The following TAMM41 variants were observed in gnomAD, a reference collection of about 807,000 sequenced individuals.
TAMM41 encodes the protein phosphatidate cytidylyltransferase, mitochondrial.
TAMM41 carries 36 observed loss-of-function variants against 44.1 expected under a neutral mutation model. The ratio of observed to expected loss-of-function variants is 0.82; its 90% CI spans 0.63 to 1.08. The LOEUF is 1.08. TAMM41 is among the 50% of genes least tolerant of loss of function. The pLI is 0.00. For missense variants in TAMM41, 417 were observed against 404.3 expected (o/e 1.03, Z -0.27); for synonymous variants, 164 against 153.1 (o/e 1.07, Z -0.53).
chr3:11,829,855 T>C lies in TAMM41; in HGVS notation c.421A>G (p.Ile141Val), dbSNP rs2125031003. ...AGAGTGACATCCTCGTTCACTGAGA[T>C]AATTTTCACCTGAAAGAAGCAGAAC... ...AGRLQKPVKIISVNEDVTLRS... is the reference protein window; with the variant it reads ...AGRLQKPVKIVSVNEDVTLRS... Residue 141 changes from isoleucine to valine, a missense_variant, in exon 4 of 8, where the codon ATC becomes GTC. Transcript: ENST00000455809. 2 of 1,614,144 alleles carry C rather than the reference T, an allele frequency of 1.2e-6. No homozygotes were observed. The highest frequency in any genetic ancestry group is 2.2e-5 in the East Asian group (1 of 44,888).
intron 4 of TAMM41, chr3:11,826,689 A>G (rs2078765639): frequency 1.8e-5 from 2 of 110,498 alleles, no homozygotes; most frequent in African/African-American, 7.2e-5. Context: ...TGAAAAACAA[A>G]TAAAACAAAA....
intron 4 of TAMM41, among the ~76,000 whole-genome samples, chr3:11,820,869 G>A (rs1010411371): frequency 6.6e-6 from 1 of 152,150 alleles, no homozygotes; most frequent in Non-Finnish European, 1.5e-5. Context: ...TCCAAGGCCT[G>A]CAAGCCACCT....
the TAMM41 span, among the ~76,000 whole-genome samples, chr3:11,759,517 G>T: frequency 6.6e-6 from 1 of 151,978 alleles, no homozygotes; most frequent in Non-Finnish European, 1.5e-5. Context: ...TGTAACACTG[G>T]AATAAAGACA....
At chr3:11,768,738 G>A in the TAMM41 span, among the ~76,000 whole-genome samples, 3 of 152,156 alleles carry the variant, frequency 2.0e-5, no homozygotes, top group Admixed American at 6.5e-5. Flanking sequence ...GGGCAGAAAA[G>A]GCAATGAGAC....
intron 5 of TAMM41, among the ~76,000 whole-genome samples, chr3:11,814,961 C>A: frequency 6.6e-6 from 1 of 151,048 alleles, no homozygotes; most frequent in African/African-American, 2.4e-5. Context: ...AAGGCCCTGT[C>A]AAAAAAGAGA....
the TAMM41 span, among the ~76,000 whole-genome samples, chr3:11,759,176 ATT>A: frequency 6.6e-6 from 1 of 152,144 alleles, no homozygotes; most frequent in Non-Finnish European, 1.5e-5. Flanking sequence ...CATCTTTGTC[ATT>A]AAAAAAAAAT....
chr3:11,722,133 A>T, the TAMM41 span, among the ~76,000 whole-genome samples: 1 of 152,234 alleles, frequency 6.6e-6, no homozygotes, highest in Non-Finnish European at 1.5e-5. Flanking sequence ...CGGAGGTCCT[A>T]AAGCTGCCTC....
At chr3:11,834,845 C>A (rs1325680656) in intron 3 of TAMM41, among the ~76,000 whole-genome samples, 1 of 152,052 alleles carries the variant, frequency 6.6e-6, no homozygotes, top group Non-Finnish European at 1.5e-5. Flanking sequence ...CACCACCTCG[C>A]CTGGCTAATT....
chr3:11,728,806 C>T, the TAMM41 span, among the ~76,000 whole-genome samples: 3 of 152,000 alleles, frequency 2.0e-5, no homozygotes, highest in South Asian at 6.3e-4. Flanking sequence ...GTCGGGAGTT[C>T]GAGACCAGCC....
At chr3:11,794,222 G>A (rs200824038) in intron 7 of TAMM41, among the ~76,000 whole-genome samples, 1 of 151,058 alleles carries the variant, frequency 6.6e-6, no homozygotes, top group African/African-American at 2.4e-5. Flanking sequence ...CTGGAGCCTC[G>A]ATCTTCTGGG....
At chr3:11,748,482 A>T in the TAMM41 span, among the ~76,000 whole-genome samples, 1 of 151,634 alleles carries the variant, frequency 6.6e-6, no homozygotes, top group Non-Finnish European at 1.5e-5. Context: ...CAGTGGTGTA[A>T]TCCCTCCTAC....
At chr3:11,789,754 T>C (rs1436450301), downstream of TAMM41, among the ~76,000 whole-genome samples, 1 of 152,238 alleles carries the variant, frequency 6.6e-6, no homozygotes, top group African/African-American at 2.4e-5. Context: ...GTCTTCTCTG[T>C]GGCTCCCAGT....
intron 4 of TAMM41, among the ~76,000 whole-genome samples, chr3:11,820,526 T>G (rs1183064310): frequency 1.3e-5 from 2 of 152,204 alleles, no homozygotes; most frequent in East Asian, 3.8e-4. Flanking sequence ...TAGCTCCTTG[T>G]GCACTGCCTG....
chr3:11,729,024 T>C, the TAMM41 span, among the ~76,000 whole-genome samples: 2 of 108,054 alleles, frequency 1.9e-5, no homozygotes, highest in Non-Finnish European at 4.3e-5. Context: ...AAAAAAAAAA[T>C]ACAAAAACTT....
At chr3:11,798,127 C>T in intron 7 of TAMM41, among the ~76,000 whole-genome samples, 1 of 152,098 alleles carries the variant, frequency 6.6e-6, no homozygotes, top group Non-Finnish European at 1.5e-5. Context: ...TGCCATTTGA[C>T]CCAGCAAGCC....
At chr3:11,765,247 C>T in the TAMM41 span, among the ~76,000 whole-genome samples, 2 of 152,154 alleles carry the variant, frequency 1.3e-5, no homozygotes, top group Non-Finnish European at 2.9e-5. Flanking sequence ...TTACTACCAC[C>T]ACCCTGACAG....
At chr3:11,790,838 T>C (rs952352311) in intron 7 of TAMM41, among the ~76,000 whole-genome samples, 1 of 152,220 alleles carries the variant, frequency 6.6e-6, no homozygotes, top group Non-Finnish European at 1.5e-5. Context: ...AAGTGATCCT[T>C]TTGAGTTATG....
chr3:11,772,318 T>A, the TAMM41 span, among the ~76,000 whole-genome samples: 2 of 151,518 alleles, frequency 1.3e-5, no homozygotes, highest in Middle Eastern at 3.2e-3. Context: ...CCTGACCTCG[T>A]GATCCGCCCT....
the TAMM41 span, among the ~76,000 whole-genome samples, chr3:11,775,202 AT>A: frequency 3.0e-5 from 2 of 67,564 alleles, no homozygotes; most frequent in African/African-American, 6.6e-5. Flanking sequence ...TTGTACAGGC[AT>A]TTTTTTTGGT....
Sources: gnomAD v4.1 joint callset for allele counts (sites outside exome capture counted in the v4.1 genomes callset) on GRCh38, gnomAD v4.1.1 for gene constraint, MANE v1.5 for transcripts, NCBI Gene and HGNC (gene_info 2026-07-23, HGNC 2026-07-21) for gene names.